The following PTPRN2 variants were observed in gnomAD, a reference collection of about 807,000 sequenced individuals.
PTPRN2 encodes the protein receptor-type tyrosine-protein phosphatase N2.
Under a neutral mutation model 118.8 loss-of-function variants are expected in PTPRN2, and 74 were observed. The observed-to-expected ratio is 0.62, with a 90% CI of 0.52 to 0.76. PTPRN2 has a LOEUF of 0.76. Ranked by LOEUF, PTPRN2 falls within the 30% of genes least tolerant of loss-of-function variation. PTPRN2 has a pLI of 0.00. For synonymous variants in PTPRN2, 641 were observed against 608.0 expected, an observed-to-expected ratio of 1.05 and a Z score of -0.80; for missense variants, 1,481 against 1,394.4, an observed-to-expected ratio of 1.06 and a Z score of -0.99.
intron 2 of PTPRN2, among the ~76,000 whole-genome samples, chr7:158,383,051 T>C (rs1051213329): frequency 1.3e-5 from 2 of 152,108 alleles, no homozygotes; most frequent in Non-Finnish European, 2.9e-5. Flanking sequence ...GCACACTCCG[T>C]CAGTATCCCA....
chr7:158,401,090 G>C (rs1262865701), intron 2 of PTPRN2, among the ~76,000 whole-genome samples: 6 of 152,132 alleles, frequency 3.9e-5, no homozygotes. Context: ...ACCGCCACCA[G>C]CAAGCACAAG....
chr7:157,916,702 T>C (rs1585011892), intron 11 of PTPRN2, among the ~76,000 whole-genome samples: 1 of 152,268 alleles, frequency 6.6e-6, no homozygotes, highest in South Asian at 2.1e-4. Context: ...CCCAGGCCAG[T>C]GCACGTCCCC....
In PTPRN2 at chr7:158,570,090, C is replaced by A. The variant is rs942902137; in HGVS notation, c.112+17468G>T. Among the ~76,000 whole-genome samples the A allele has an allele frequency of 6.6e-6, 1 of 152,156 alleles. No individual in the cohort carries two copies. On this transcript the variant is annotated intron_variant, in intron 1 of 22. Coordinates refer to ENST00000389418, the MANE Select transcript of PTPRN2 (RefSeq NM_002847.5). This position sits in a 1 kb window ranked among gnomAD's most constrained non-coding sequence, Gnocchi z 4.5. Reference sequence around the variant, plus strand: ...GTTTCCCCCAGGCAGGGGGAAGCCCCGAGAAGCCGCCGCGCCGGGCTGAGA... The same window carrying A: ...GTTTCCCCCAGGCAGGGGGAAGCCCAGAGAAGCCGCCGCGCCGGGCTGAGA...
At chr7:157,806,584 G>A (rs925619057) in intron 12 of PTPRN2, among the ~76,000 whole-genome samples, 15 of 152,272 alleles carry the variant, frequency 9.9e-5, no homozygotes, top group Non-Finnish European at 1.9e-4. Context: ...ATGTATATGC[G>A]TGTACATCTG....
At chr7:157,812,498 A>G (rs1402386202) in intron 12 of PTPRN2, among the ~76,000 whole-genome samples, 4 of 151,842 alleles carry the variant, frequency 2.6e-5, no homozygotes, top group Non-Finnish European at 5.9e-5. Context: ...CTCTTTCAAC[A>G]CTCCCTGTGC....
In PTPRN2 at chr7:157,591,528, C is replaced by T. The variant is rs1322385318; in HGVS notation, c.2496+3710G>A. Among the ~76,000 whole-genome samples, 1 of 152,204 alleles carries T rather than the reference C, an allele frequency of 6.6e-6. No homozygotes were observed. The highest frequency in any genetic ancestry group is 1.5e-5 in the Non-Finnish European group (1 of 68,042). On this transcript the variant is annotated intron_variant, in intron 17 of 22. Transcript: ENST00000389418. This position sits in a 1 kb window ranked among gnomAD's most constrained non-coding sequence, Gnocchi z 4.4. ...ATCCACCTTTGTCCTTAAAAATACA[C>T]GTTACCGTGGGTTTGGAAAAGTTCT...
rs116771221 is a variant in PTPRN2, at chr7:158,581,030, T to C, written c.112+6528A>G. On this transcript the variant is annotated intron_variant, in intron 1 of 22. Coordinates refer to ENST00000389418, the MANE Select transcript of PTPRN2 (RefSeq NM_002847.5). ...ACTTTAAAATCTCCGTGGCCTGAGGTTGAGAAGCTTCTAAGAGAAAGGCAG... is the reference window on the plus strand; with the variant it reads ...ACTTTAAAATCTCCGTGGCCTGAGGCTGAGAAGCTTCTAAGAGAAAGGCAG... Among the ~76,000 whole-genome samples the C allele has an allele frequency of 7.7e-3, 1,167 of 152,232 alleles. 18 individuals carry two copies. The highest frequency in any genetic ancestry group is 0.026 in the African/African-American group (1,074 of 41,538).
At chr7:158,462,580 A>G (rs902729461) in intron 2 of PTPRN2, among the ~76,000 whole-genome samples, 2 of 152,224 alleles carry the variant, frequency 1.3e-5, no homozygotes, top group Non-Finnish European at 2.9e-5. Context: ...CCTGAGGATG[A>G]CAAGTCATTT....
At chr7:158,566,589 C>T (rs1341273540) in intron 1 of PTPRN2, among the ~76,000 whole-genome samples, 1 of 152,234 alleles carries the variant, frequency 6.6e-6, no homozygotes, top group Non-Finnish European at 1.5e-5. Flanking sequence ...AGTCCTTTCT[C>T]AATTTCTGAA....
At chr7:157,730,403 C>T (rs1172961484) in intron 12 of PTPRN2, among the ~76,000 whole-genome samples, 2 of 152,208 alleles carry the variant, frequency 1.3e-5, no homozygotes, top group East Asian at 1.9e-4. Context: ...GTGTCGCAAG[C>T]GGCAGACATT....
intron 2 of PTPRN2, among the ~76,000 whole-genome samples, chr7:158,331,666 GA>G (rs1300420491): frequency 1.1e-5 from 1 of 95,168 alleles, no homozygotes; most frequent in Non-Finnish European, 2.1e-5. Flanking sequence ...CACTCACGCC[GA>G]CACTCTCACC....
At chr7:158,152,419 A>C (rs1251581849) in intron 6 of PTPRN2, among the ~76,000 whole-genome samples, 1 of 152,184 alleles carries the variant, frequency 6.6e-6, no homozygotes, top group Non-Finnish European at 1.5e-5. Context: ...CCGTGGGCAG[A>C]AGCTGCCTGG....
At chr7:158,301,144 A>C (rs942431944) in intron 3 of PTPRN2, among the ~76,000 whole-genome samples, 1 of 152,230 alleles carries the variant, frequency 6.6e-6, no homozygotes, top group Non-Finnish European at 1.5e-5. Context: ...TTGTGAAAGG[A>C]AACATCTTAT....
intron 2 of PTPRN2, among the ~76,000 whole-genome samples, chr7:158,464,141 G>A (rs113326090): frequency 3.1e-4 from 24 of 77,976 alleles, no homozygotes; most frequent in African/African-American, 1.1e-3. Flanking sequence ...CATCACCACC[G>A]TCATCATCCT....
Position 158,261,104 on chromosome 7 carries a change from T to A in PTPRN2, c.277+55715A>T, listed in dbSNP as rs549410420. ...GGGCGTGAGGCTCCGACTGGCTGAG[T>A]CTGTGTCAGCGTCAGCAACAGTGCC... On this transcript the variant is annotated intron_variant, in intron 3 of 22. Transcript: ENST00000389418. Among the ~76,000 whole-genome samples the A allele has an allele frequency of 3.3e-5, 5 of 152,136 alleles. No homozygotes were observed. The East Asian group carries it at 9.7e-4, about 30-fold the overall frequency.
intron 14 of PTPRN2, among the ~76,000 whole-genome samples, chr7:157,628,072 G>A (rs1399537369): frequency 3.3e-5 from 5 of 152,194 alleles, no homozygotes; most frequent in African/African-American, 1.2e-4. Flanking sequence ...GAGCATTAAG[G>A]ACAGTCACTG....
At chr7:158,320,756 A>C (rs1038802898) in intron 2 of PTPRN2, among the ~76,000 whole-genome samples, 2 of 152,194 alleles carry the variant, frequency 1.3e-5, no homozygotes, top group African/African-American at 4.8e-5. Context: ...ATTCTAGTAA[A>C]TACTCAGCAA....
At chr7:157,579,656 C>T (rs1035841930) in intron 17 of PTPRN2, among the ~76,000 whole-genome samples, 3 of 152,230 alleles carry the variant, frequency 2.0e-5, no homozygotes, top group Non-Finnish European at 2.9e-5. Context: ...CATTGGCTCT[C>T]GCGTCCGCCC....
chr7:157,951,347 G>A (rs1402729210), intron 11 of PTPRN2, among the ~76,000 whole-genome samples: 2 of 152,180 alleles, frequency 1.3e-5, no homozygotes, highest in African/African-American at 4.8e-5. Context: ...CATATGACTG[G>A]GGATGTGTAA....
Sources: allele counts gnomAD v4.1 joint callset (sites outside exome capture counted in the v4.1 genomes callset), GRCh38; gene constraint gnomAD v4.1.1; non-coding constraint Gnocchi (gnomAD v3.1); transcripts MANE v1.5; gene names NCBI Gene and HGNC (gene_info 2026-07-23, HGNC 2026-07-21).